The following CYBA variants were observed in gnomAD, a reference collection of about 807,000 sequenced individuals.
CYBA encodes cytochrome b-245 light chain.
Under a neutral mutation model 20.8 loss-of-function variants are expected in CYBA, and 21 were observed. The ratio of observed to expected loss-of-function variants is 1.01; its 90% CI spans 0.72 to 1.46. CYBA has a LOEUF of 1.46. Among genes scored for constraint, CYBA ranks in the 40% most tolerant of loss-of-function variants. The probability of loss-of-function intolerance (pLI) is 0.00; values close to 1 mark genes in which losing one functional copy is unlikely to be tolerated. For synonymous variants in CYBA, 164 were observed against 127.5 expected (o/e 1.29, Z -1.93); for missense variants, 344 against 287.0 (o/e 1.20, Z -1.43).
chr16:88,646,806 A>T lies in CYBA; in HGVS notation c.236T>A (p.Leu79Gln). The change falls in exon 4 of 6, where the codon CTG becomes CAG. Residue 79 changes from leucine to glutamine, a missense_variant. By Grantham distance (113) the Leu-to-Gln change is moderately radical. Transcript: ENST00000261623. The stretch of plus-strand genomic sequence containing the variant: ...GTAATTCCTGGTAAAGGGCCCGAAC[A>T]GCTTCACCACGGCGGTCATGTACTT... ...GQKYMTAVVK[L>Q]FGPFTRNYYV... The T allele has an allele frequency of 1.2e-6, 2 of 1,614,002 alleles. No individual in the cohort carries two copies. Among genetic ancestry groups the T allele is most frequent in the Non-Finnish European group, 1.7e-6 (2 of 1,179,978 alleles).
At position 88,645,781 on chromosome 16, in the gene CYBA, CTTCGGCCGG is replaced by C. The variant is rs1486571458; in HGVS notation, c.369+326_369+334del. Reference sequence around the variant, plus strand: ...AATGGGACCCAAGCGCAGGCACGGTCTTCGGCCGGCTGCGTGACCCCAGGCCAGTCACAG... The same window carrying C: ...AATGGGACCCAAGCGCAGGCACGGTCCTGCGTGACCCCAGGCCAGTCACAG... On this transcript the variant is annotated intron_variant, in intron 5 of 5. Coordinates refer to ENST00000261623, the MANE Select transcript of CYBA (RefSeq NM_000101.4). 7.4e-6 allele frequency: 4 copies of C among 540,080 alleles called. No homozygotes were observed. In the African/African-American group the frequency reaches 7.6e-5, roughly 10 times the overall value. 33.5% of individuals were successfully genotyped at this position (540,080 alleles called of 1,614,324 possible). A position where few individuals can be genotyped will look rare whatever the true frequency, so the allele number is the denominator to read the frequency against.
chr16:88,645,957 C>T (rs1231090068), intron 5 of CYBA, 159 bp downstream of exon 5: 16 of 641,572 alleles, frequency 2.5e-5, no homozygotes, highest in Non-Finnish European at 8.2e-6. Context: ...GCAACCGCTG[C>T]GTCCCCGCCG....
chr16:88,645,215 G>A (rs2142872544), intron 5 of CYBA: 1 of 702,426 alleles, frequency 1.4e-6, no homozygotes, highest in Non-Finnish European at 2.6e-6. Context: ...GTGGCCCCCG[G>A]AAAACAAAGC....
intron 1 of CYBA, among the ~76,000 whole-genome samples, chr16:88,648,374 G>A (rs375028199): frequency 2.7e-4 from 41 of 152,136 alleles, no homozygotes; most frequent in East Asian, 5.8e-4. Flanking sequence ...AGGACAGCCC[G>A]ACCTGCAGGC....
chr16:88,650,400 C>CAGCT lies in CYBA; in HGVS notation c.58+552_58+555dup, dbSNP rs1198626986. On this transcript the variant is annotated intron_variant, in intron 1 of 5. Transcript: ENST00000261623. ...CCACCCCAAGAGCAAAGTGCCTGTG[C>CAGCT]AGCTGGGCTGGGCAGGGCCGTCACT... 2.2e-5 allele frequency: 10 copies of CAGCT among 457,086 alleles called. No individual in the cohort carries two copies. The Admixed American group carries it at 2.3e-4, about 11-fold the overall frequency. The allele number at this position is 457,086 out of a possible 1,614,324, so 28.3% of individuals were successfully genotyped here.
At chr16:88,647,854 G>A (rs949990015) in intron 2 of CYBA, 191 bp downstream of exon 2, 14 of 644,784 alleles carry the variant, frequency 2.2e-5, no homozygotes, top group Non-Finnish European at 3.6e-5. Context: ...CGGGTCTGCC[G>A]CTGATCGCCA....
intron 2 of CYBA, 88 bp from the exon 3 acceptor site, chr16:88,647,263 C>G (rs1046064450): frequency 7.7e-7 from 1 of 1,291,282 alleles, no homozygotes; most frequent in Admixed American, 1.9e-5. Context: ...GAGAGGGGCC[C>G]GAGCACGGTG....
intron 2 of CYBA, 135 bp from the exon 3 acceptor site, chr16:88,647,310 G>C (rs1907326296): frequency 1.2e-6 from 1 of 825,336 alleles, no homozygotes; most frequent in Non-Finnish European, 2.0e-6. Flanking sequence ...GGGAGGCTGA[G>C]GCGGGAGGAT....
chr16:88,644,972 G>A (rs1226074618), intron 5 of CYBA: 2 of 597,120 alleles, frequency 3.3e-6, no homozygotes, highest in African/African-American at 1.8e-5. Context: ...CGGCCAGCTC[G>A]TGCTGTGAAA....
At chr16:88,647,318 G>T in intron 2 of CYBA, 143 bp from the exon 3 acceptor site, 1 of 779,206 alleles carries the variant, frequency 1.3e-6, no homozygotes, top group Non-Finnish European at 2.2e-6. Flanking sequence ...GAGGCGGGAG[G>T]ATCACTGGAG....
intron 1 of CYBA, 84 bp downstream of exon 1, chr16:88,650,872 C>T: frequency 1.4e-6 from 2 of 1,436,938 alleles, no homozygotes; most frequent in Non-Finnish European, 1.9e-6. Context: ...CACTTCCCCA[C>T]CCTGTAAGTA....
rs771779650 is a variant in CYBA at position 88,646,755 on chromosome 16, A to G, written c.287T>C (p.Leu96Pro). 11 of 1,613,160 alleles carry G rather than the reference A, an allele frequency of 6.8e-6. No homozygotes were observed. The Admixed American group carries it at 1.7e-4, about 24-fold the overall frequency. Residue 96 changes from leucine to proline, a missense_variant and splice_region_variant, in exon 4 of 6, where the codon CTG becomes CCG. By Grantham distance (98) the Leu-to-Pro change is moderately conservative. Transcript: ENST00000261623. ...GAGGGGGTGCGGGACGGGGACTCAC[A>G]GGAGATGCAGGACGGCCCGAACATA... ...NYYVRAVLHL[L>P]LSVPAGFLLA... is the part of the protein sequence containing the mutation.
intron 5 of CYBA, chr16:88,645,788 C>G: frequency 1.9e-6 from 1 of 540,308 alleles, no homozygotes; most frequent in Non-Finnish European, 3.3e-6. Context: ...GGTCTTCGGC[C>G]GGCTGCGTGA....
At chr16:88,647,903 C>T in intron 2 of CYBA, 142 bp downstream of exon 2, 1 of 804,474 alleles carries the variant, frequency 1.2e-6, no homozygotes, top group Admixed American at 2.0e-5. Context: ...GGGGCCTGGG[C>T]TGCCCAACCC....
rs1312243925 is a variant in CYBA, at chr16:88,643,896, G to C, written c.370-325C>G. 2.0e-5 allele frequency among the ~76,000 whole-genome samples: 3 copies of C among 152,326 alleles called. No homozygotes were observed. In the East Asian group the frequency reaches 5.8e-4, roughly 29 times the overall value. On this transcript the variant is annotated intron_variant, in intron 5 of 5. Transcript: ENST00000261623. The surrounding 1 kb of genome is among the most constrained non-coding windows in gnomAD (Gnocchi z 4.3). ...CTCCTCTCAAGGTGCCAAGGGCAGG[G>C]AAGGCAGGGAGGCAGGCCCGAGGTC...
At chr16:88,647,029 T>C in intron 3 of CYBA, 72 bp downstream of exon 3, 1 of 1,438,764 alleles carries the variant, frequency 7.0e-7, no homozygotes, top group Non-Finnish European at 9.6e-7. Context: ...GAAACCAAGC[T>C]CCACCCAACC....
intron 2 of CYBA, chr16:88,647,693 G>A (rs1907339778): frequency 2.4e-6 from 1 of 421,424 alleles, no homozygotes; most frequent in South Asian, 2.2e-5. Flanking sequence ...GCAGGGCTGA[G>A]ATGGGGCAGA....
Position 88,650,666 on chromosome 16 carries a change from G to A in CYBA, c.58+290C>T, listed in dbSNP as rs3794624. 0.29 allele frequency: 174,530 copies of A among 594,852 alleles called. 28,096 individuals carry two copies. The highest frequency in any genetic ancestry group is 0.35 in the Non-Finnish European group (113,798 of 323,750). The allele number at this position is 594,852 out of a possible 1,614,324, so 36.8% of individuals were successfully genotyped here. On this transcript the variant is annotated intron_variant, in intron 1 of 5. Coordinates refer to ENST00000261623, the MANE Select transcript of CYBA (RefSeq NM_000101.4). ...GGGGCTGAACCGCCTCTTCCCCTGC[G>A]CTGCAACTTCCTCCTTCGCGGAGTC...
chr16:88,644,535 G>C (rs2142871577), intron 5 of CYBA, among the ~76,000 whole-genome samples: 1 of 152,324 alleles, frequency 6.6e-6, no homozygotes, highest in Non-Finnish European at 1.5e-5. Flanking sequence ...TTAAGAAAAA[G>C]ACAATCAGGC....
Sources: allele counts gnomAD v4.1 joint callset (sites outside exome capture counted in the v4.1 genomes callset), GRCh38; gene constraint gnomAD v4.1.1; non-coding constraint Gnocchi (gnomAD v3.1); transcripts MANE v1.5; gene names NCBI Gene and HGNC (gene_info 2026-07-23, HGNC 2026-07-21).